ACVR1C: variants seen among roughly 807,000 people sequenced by gnomAD.
The protein encoded by ACVR1C is activin receptor type-1C.
A neutral mutation model predicts 57.9 loss-of-function variants in ACVR1C; 23 were observed. The ratio of observed to expected loss-of-function variants is 0.40; its 90% CI spans 0.29 to 0.56. ACVR1C has a LOEUF of 0.56. Ranked by LOEUF, ACVR1C falls within the 20% of genes least tolerant of loss-of-function variation. The pLI is 0.50. For synonymous variants in ACVR1C, 214 were observed against 215.3 expected (o/e 0.99, Z 0.05); for missense variants, 480 against 607.9 (o/e 0.79, Z 2.21).
intron 4 of ACVR1C, among the ~76,000 whole-genome samples, chr2:157,548,687 C>T (rs1044883428): frequency 6.6e-6 from 1 of 151,970 alleles, no homozygotes; most frequent in African/African-American, 2.4e-5. Flanking sequence ...GAAAGGATTC[C>T]CTATTTAATA....
At position 157,532,203 on chromosome 2, in the gene ACVR1C, G is replaced by T. The variant is rs879542539; in HGVS notation, c.*1715C>A. On this transcript the variant is annotated 3_prime_UTR_variant, in exon 9 of 9. Coordinates refer to ENST00000243349, the MANE Select transcript of ACVR1C (RefSeq NM_145259.3). Reference sequence around the variant, plus strand: ...TTGTACTCTATGAGAAAATACAGAAGTATATCCTTCAGAACGCTATTACCC... The same window carrying T: ...TTGTACTCTATGAGAAAATACAGAATTATATCCTTCAGAACGCTATTACCC... 6.6e-6 allele frequency: 1 copy of T among 151,992 alleles called. No homozygotes were observed. Among genetic ancestry groups the T allele is most frequent in the Non-Finnish European group, 1.5e-5 (1 of 67,970 alleles). 9.4% of individuals were successfully genotyped at this position (151,992 alleles called of 1,614,324 possible).
chr2:157,577,400 T>C lies in ACVR1C; in HGVS notation c.304+9787A>G, dbSNP rs111528376. Among the ~76,000 whole-genome samples, 1,462 of 152,296 alleles carry C rather than the reference T, an allele frequency of 9.6e-3. 16 individuals carry two copies. The highest frequency in any genetic ancestry group is 0.03 in the South Asian group (146 of 4,822). On this transcript the variant is annotated intron_variant, in intron 2 of 8. Coordinates refer to ENST00000243349, the MANE Select transcript of ACVR1C (RefSeq NM_145259.3). ...TTGTGGACTTCTCTATTTATCCTTA[T>C]AGATCTGTAAATATTTTCTTTATTT...
rs1166672445 is a variant in ACVR1C at position 157,529,672 on chromosome 2, G to A, written c.*4246C>T. 4.0e-5 allele frequency: 6 copies of A among 151,866 alleles called. No individual in the cohort carries two copies. Among genetic ancestry groups the A allele is most frequent in the Non-Finnish European group, 7.4e-5 (5 of 67,948 alleles). The allele number at this position is 151,866 out of a possible 1,614,324, so 9.4% of individuals were successfully genotyped here. ...CTAAGGGATTCTCTTTCATTAGAAG[G>A]CTAAATTCCAGACGGTTAAGTTAAA... On this transcript the variant is annotated 3_prime_UTR_variant, in exon 9 of 9. Transcript: ENST00000243349.
chr2:157,600,522 T>C (rs1287803366), intron 1 of ACVR1C, among the ~76,000 whole-genome samples: 1 of 152,128 alleles, frequency 6.6e-6, no homozygotes, highest in Non-Finnish European at 1.5e-5. Context: ...TGTCTCAAGT[T>C]TAGAATGAAA....
chr2:157,612,561 C>T (rs75918109), intron 1 of ACVR1C, among the ~76,000 whole-genome samples: 6,098 of 152,146 alleles, frequency 0.04, 197 homozygotes, highest in African/African-American at 0.092. Context: ...GGAAGGGGTC[C>T]CACTCTCTGT....
chr2:157,540,199 G>C (rs886748945), intron 7 of ACVR1C, among the ~76,000 whole-genome samples: 1 of 152,124 alleles, frequency 6.6e-6, no homozygotes, highest in Non-Finnish European at 1.5e-5. Flanking sequence ...AGACATTCAA[G>C]GAATTGCTAA....
Position 157,533,787 on chromosome 2 carries a change from T to C in ACVR1C, c.*131A>G. 1 of 825,730 alleles carries C rather than the reference T, an allele frequency of 1.2e-6. No homozygotes were observed. Among genetic ancestry groups the C allele is most frequent in the Non-Finnish European group, 1.7e-6 (1 of 596,874 alleles). The allele number at this position is 825,730 out of a possible 1,614,324, so 51.2% of individuals were successfully genotyped here. A position where few individuals can be genotyped will look rare whatever the true frequency, so the allele number is the denominator to read the frequency against. ...TTTAGAGTTATCTTTTCATGCTGCC[T>C]TATGGGCACTTAAATACTGTACTGT... On this transcript the variant is annotated 3_prime_UTR_variant, in exon 9 of 9. Coordinates refer to ENST00000243349, the MANE Select transcript of ACVR1C (RefSeq NM_145259.3).
At chr2:157,534,965 G>T (rs748898339) in intron 8 of ACVR1C, among the ~76,000 whole-genome samples, 8 of 151,990 alleles carry the variant, frequency 5.3e-5, no homozygotes, top group African/African-American at 9.7e-5. Context: ...AGACCAACCT[G>T]AGTAACACAG....
intron 3 of ACVR1C, among the ~76,000 whole-genome samples, chr2:157,554,247 G>GAA (rs1277613502): frequency 1.7e-5 from 2 of 121,046 alleles, no homozygotes; most frequent in African/African-American, 3.8e-5. Flanking sequence ...AAGAAAGAAA[G>GAA]AAAGAAAGAA....
At chr2:157,565,126 C>A (rs1456997922) in intron 2 of ACVR1C, among the ~76,000 whole-genome samples, 2 of 151,138 alleles carry the variant, frequency 1.3e-5, no homozygotes, top group Non-Finnish European at 2.9e-5. Context: ...AAGTAAAATT[C>A]TTTTAAAAAT....
chr2:157,578,683 T>G (rs1033072146), intron 2 of ACVR1C, among the ~76,000 whole-genome samples: 1 of 152,202 alleles, frequency 6.6e-6, no homozygotes. Context: ...CTTACCCTCC[T>G]TCTTTAAAAA....
At position 157,556,657 on chromosome 2, in the gene ACVR1C, C is replaced by CTTT. The variant is rs1169628343; in HGVS notation, c.305-328_305-326dup. On this transcript the variant is annotated intron_variant, in intron 2 of 8. Transcript: ENST00000243349. ...TTTCCCTCCATTATTCAGCAGTACA[C>CTTT]TTTTTTTTTTTTTTTTTTTTTTTTG... 4.7e-3 allele frequency among the ~76,000 whole-genome samples: 417 copies of CTTT among 87,924 alleles called. 5 individuals carry two copies. Among genetic ancestry groups the CTTT allele is most frequent in the Non-Finnish European group, 5.4e-3 (260 of 48,464 alleles). 57.7% of individuals were successfully genotyped at this position (87,924 alleles called of 152,430 possible).
chr2:157,548,962 C>G (rs1222190637), intron 4 of ACVR1C, among the ~76,000 whole-genome samples: 1 of 152,084 alleles, frequency 6.6e-6, no homozygotes, highest in East Asian at 1.9e-4. Flanking sequence ...AAAAATACAG[C>G]CCTAACAAAG....
chr2:157,541,741 C>T (rs1687629356), intron 6 of ACVR1C, among the ~76,000 whole-genome samples: 1 of 152,198 alleles, frequency 6.6e-6, no homozygotes, highest in Admixed American at 6.5e-5. Flanking sequence ...GTTCCTGGGG[C>T]TTATGAAAGT....
At position 157,628,488 on chromosome 2, in the gene ACVR1C, CCT is replaced by C. The variant is rs1682954210; in HGVS notation, c.73+82_73+83del. On this transcript the variant is annotated intron_variant, in intron 1 of 8. Coordinates refer to ENST00000243349, the MANE Select transcript of ACVR1C (RefSeq NM_145259.3). ...GAAGGTCAGTTTGCTCGGAGCACCC[CCT>C]GTCCCCCACCCCCGTGCTCACCCGC... 5.5e-6 allele frequency: 8 copies of C among 1,467,784 alleles called. No homozygotes were observed. The Admixed American group carries it at 1.6e-4, about 29-fold the overall frequency. The allele number at this position is 1,467,784 out of a possible 1,614,324, so 90.9% of individuals were successfully genotyped here.
chr2:157,575,732 C>T (rs974818478), intron 2 of ACVR1C, among the ~76,000 whole-genome samples: 3 of 152,078 alleles, frequency 2.0e-5, no homozygotes, highest in Admixed American at 6.5e-5. Flanking sequence ...TAAGTTCTCC[C>T]GTGAAATGGG....
intron 1 of ACVR1C, among the ~76,000 whole-genome samples, chr2:157,594,083 A>T (rs1682023285): frequency 1.3e-5 from 2 of 152,190 alleles, no homozygotes; most frequent in African/African-American, 4.8e-5. Flanking sequence ...TGTCCAGGAG[A>T]ACTGCTTAAA....
rs768350257 is a variant in ACVR1C, at chr2:157,541,114, T to C, written c.1201A>G (p.Ile401Val). The change falls in exon 7 of 9, where the codon ATA (isoleucine) becomes GTA (valine). Residue 401 changes from isoleucine (I) to valine (V), a missense_variant. Coordinates refer to ENST00000243349, the MANE Select transcript of ACVR1C (RefSeq NM_145259.3). The part of the protein sequence containing the change: ...IYSVGLVYWE[I>V]ARRCSVGGIV... The stretch of plus-strand genomic sequence containing the variant: ...CCTCCGACTGAACACCTCCGGGCTA[T>C]TTCCCAGTAAACCAGACCAACAGAA... 8 of 1,613,990 alleles carry C rather than the reference T, an allele frequency of 5.0e-6. No individual in the cohort carries two copies. The highest frequency in any genetic ancestry group is 5.1e-6 in the Non-Finnish European group (6 of 1,179,972).
chr2:157,606,160 C>T (rs1682391367), intron 1 of ACVR1C, among the ~76,000 whole-genome samples: 1 of 151,644 alleles, frequency 6.6e-6, no homozygotes, highest in South Asian at 2.1e-4. Flanking sequence ...GAACAATATT[C>T]CATCATGTAT....
Sources: gnomAD v4.1 joint callset for allele counts (sites outside exome capture counted in the v4.1 genomes callset) on GRCh38, gnomAD v4.1.1 for gene constraint, MANE v1.5 for transcripts, NCBI Gene and HGNC (gene_info 2026-07-23, HGNC 2026-07-21) for gene names.